The following INVS variants were observed in gnomAD, a reference collection of about 807,000 sequenced individuals.
INVS encodes inversin, also known as inversion of embryo turning homolog.
In INVS, 86 loss-of-function variants were observed where a neutral mutation model predicts 108.8. The ratio of observed to expected loss-of-function variants is 0.79; its 90% CI spans 0.66 to 0.95. The LOEUF is 0.95. INVS is among the 40% of genes least tolerant of loss of function. The pLI is 0.00. For synonymous variants in INVS, 455 were observed against 473.5 expected, an observed-to-expected ratio of 0.96 and a Z score of 0.51; for missense variants, 1,169 against 1,297.4, an observed-to-expected ratio of 0.90 and a Z score of 1.52.
At chr9:100,181,333 C>G (rs574655518) in intron 3 of INVS, among the ~76,000 whole-genome samples, 2 of 152,150 alleles carry the variant, frequency 1.3e-5, no homozygotes, top group Admixed American at 6.6e-5. Context: ...CAAATTGTTT[C>G]TGTTTGCAGA....
chr9:100,200,633 A>G (rs143386422), intron 3 of INVS, among the ~76,000 whole-genome samples: 71 of 152,286 alleles, frequency 4.7e-4, no homozygotes, highest in African/African-American at 1.6e-3. Context: ...GTGGAACTCA[A>G]ACTCCAAATT....
chr9:100,228,210 C>G (rs1000162238), intron 4 of INVS, among the ~76,000 whole-genome samples: 1 of 151,996 alleles, frequency 6.6e-6, no homozygotes, highest in Non-Finnish European at 1.5e-5. Flanking sequence ...AGGCTGGTCT[C>G]GAACTCCTGA....
chr9:100,291,151 C>A (rs1258859968), intron 13 of INVS, among the ~76,000 whole-genome samples: 1 of 152,070 alleles, frequency 6.6e-6, no homozygotes, highest in African/African-American at 2.4e-5. Flanking sequence ...GCAACCTCTG[C>A]CTCCCGAGTT....
chr9:100,171,270 A>G (rs749696951), intron 3 of INVS, among the ~76,000 whole-genome samples: 5 of 152,158 alleles, frequency 3.3e-5, no homozygotes, highest in Non-Finnish European at 7.3e-5. Context: ...ATACGTTTAG[A>G]CACATGAATA....
At position 100,284,473 on chromosome 9, in the gene INVS, T is replaced by A. The variant is rs569050610; in HGVS notation, c.1938T>A (p.Ala646=). 1 of 1,614,144 alleles carries A rather than the reference T, an allele frequency of 6.2e-7. No individual in the cohort carries two copies. Among genetic ancestry groups the A allele is most frequent in the Admixed American group, 1.7e-5 (1 of 60,018 alleles). Residue 646 remains alanine, a synonymous_variant, in exon 13 of 17, where the codon GCT becomes GCA. Transcript: ENST00000262457. ...QSRAPSKQPP[A]GNVAQGPEPR... is the part of the protein sequence containing the mutation. ...GGGCCCCCAGCAAGCAGCCTCCTGC[T>A]GGCAACGTGGCCCAAGGCCCTGAGC... is the stretch of plus-strand genomic sequence containing the variant.
chr9:100,164,191 CTAAA>C (rs1468826456), intron 3 of INVS, among the ~76,000 whole-genome samples: 2 of 152,072 alleles, frequency 1.3e-5, no homozygotes, highest in African/African-American at 4.8e-5. Context: ...TCTGGATTGA[CTAAA>C]TTAATTATGA....
chr9:100,248,491 C>A (rs1832118730), intron 8 of INVS, among the ~76,000 whole-genome samples: 1 of 151,206 alleles, frequency 6.6e-6, no homozygotes, highest in Non-Finnish European at 1.5e-5. Flanking sequence ...TTTTCCTTCC[C>A]ATTAAAAAGA....
At chr9:100,120,921 A>C (rs1827709089) in intron 2 of INVS, 1 of 152,206 alleles carries the variant, frequency 6.6e-6, no homozygotes, top group Non-Finnish European at 1.5e-5. Context: ...CATAGCTCTA[A>C]GCTCCTTCTG....
At chr9:100,193,981 T>G (rs960216368) in intron 3 of INVS, among the ~76,000 whole-genome samples, 1 of 152,228 alleles carries the variant, frequency 6.6e-6, no homozygotes, top group African/African-American at 2.4e-5. Context: ...ATTTGCCTGT[T>G]GGTGAACATT....
At chr9:100,160,469 T>A (rs1047506031) in intron 3 of INVS, among the ~76,000 whole-genome samples, 2 of 152,250 alleles carry the variant, frequency 1.3e-5, no homozygotes, top group Non-Finnish European at 2.9e-5. Flanking sequence ...TCATCATTTA[T>A]GTGCAGATTA....
intron 8 of INVS, among the ~76,000 whole-genome samples, chr9:100,248,567 A>G (rs1405574709): frequency 6.6e-6 from 1 of 152,194 alleles, no homozygotes; most frequent in African/African-American, 2.4e-5. Flanking sequence ...ACTATAAAAA[A>G]TGTTAAAGCC....
intron 3 of INVS, among the ~76,000 whole-genome samples, chr9:100,152,022 A>C (rs1242537234): frequency 6.6e-6 from 1 of 152,216 alleles, no homozygotes; most frequent in East Asian, 1.9e-4. Flanking sequence ...GTTGGACCCA[A>C]AGGCAGCATC....
chr9:100,252,338 A>G lies in INVS; in HGVS notation c.1134A>G (p.Glu378=). ...TCAGCACCGTGAAGTTATTACTGGA[A>G]AATAATGCTCAAGTAGATGCTACTG... is the stretch of plus-strand genomic sequence containing the variant. ...GHVSTVKLLL[E]NNAQVDATDV... is the part of the protein sequence containing the mutation. The change falls in exon 9 of 17, where the codon GAA becomes GAG. Residue 378 remains glutamate, a synonymous_variant. Coordinates refer to ENST00000262457, the MANE Select transcript of INVS (RefSeq NM_014425.5). The G allele has an allele frequency of 6.2e-7, 1 of 1,614,076 alleles. No individual in the cohort carries two copies. Among genetic ancestry groups the G allele is most frequent in the Admixed American group, 1.7e-5 (1 of 60,016 alleles).
chr9:100,257,749 G>C (rs1008256193), intron 10 of INVS, among the ~76,000 whole-genome samples: 2 of 152,172 alleles, frequency 1.3e-5, no homozygotes. Flanking sequence ...ACTCTCTTCT[G>C]GCTTGTAGAG....
chr9:100,147,078 T>C (rs898048881), intron 3 of INVS, among the ~76,000 whole-genome samples: 1 of 152,236 alleles, frequency 6.6e-6, no homozygotes, highest in African/African-American at 2.4e-5. Context: ...ATCATTCTCT[T>C]CTTTCCCCTT....
chr9:100,199,441 G>T (rs1194321267), intron 3 of INVS, among the ~76,000 whole-genome samples: 1 of 151,848 alleles, frequency 6.6e-6, no homozygotes, highest in East Asian at 1.9e-4. Flanking sequence ...ATCTGTTATT[G>T]CTCCTTTCAA....
intron 5 of INVS, among the ~76,000 whole-genome samples, chr9:100,230,706 A>T (rs2082870277): frequency 6.6e-6 from 1 of 151,956 alleles, no homozygotes; most frequent in African/African-American, 2.4e-5. Context: ...TTTAGTAGAG[A>T]CCGGGTTTCA....
intron 3 of INVS, among the ~76,000 whole-genome samples, chr9:100,168,104 G>A (rs955444578): frequency 2.0e-5 from 3 of 152,004 alleles, no homozygotes; most frequent in African/African-American, 7.3e-5. Flanking sequence ...ACTCTTGCTG[G>A]AAAGTGAGTC....
intron 3 of INVS, among the ~76,000 whole-genome samples, chr9:100,196,317 G>A (rs7020636): frequency 0.76 from 115,990 of 152,130 alleles, 44,899 homozygotes; most frequent in African/African-American, 0.91. Flanking sequence ...ATTCTCCTTT[G>A]TCTGAGGCCT....
Sources: allele counts gnomAD v4.1 joint callset (sites outside exome capture counted in the v4.1 genomes callset), GRCh38; gene constraint gnomAD v4.1.1; transcripts MANE v1.5; gene names NCBI Gene and HGNC (gene_info 2026-07-23, HGNC 2026-07-21).